Variants in PALM2AKAP2 observed in about 807,000 individuals in gnomAD.
PALM2AKAP2 encodes the protein PALM2 and AKAP2 fusion.
A neutral mutation model predicts 71.5 loss-of-function variants in PALM2AKAP2; 37 were observed. The observed-to-expected ratio is 0.52, with a 90% CI of 0.40 to 0.68. The LOEUF is 0.68. Ranked by LOEUF, PALM2AKAP2 falls within the 30% of genes least tolerant of loss-of-function variation. The pLI is 0.00. For synonymous variants in PALM2AKAP2, 468 were observed against 478.8 expected, an observed-to-expected ratio of 0.98 and a Z score of 0.29; for missense variants, 1,224 against 1,191.8, an observed-to-expected ratio of 1.03 and a Z score of -0.40.
intron 1 of PALM2AKAP2, among the ~76,000 whole-genome samples, chr9:109,702,945 T>C (rs1399362872): frequency 1.3e-5 from 2 of 151,918 alleles, no homozygotes; most frequent in African/African-American, 2.4e-5. Context: ...TAGCCTCCCA[T>C]GTAGCTGGGA....
chr9:109,708,046 A>G (rs1185431402), intron 1 of PALM2AKAP2, among the ~76,000 whole-genome samples: 1 of 152,150 alleles, frequency 6.6e-6, no homozygotes, highest in African/African-American at 2.4e-5. Flanking sequence ...ACAGAACAAA[A>G]GGTCCCACTC....
upstream of PALM2AKAP2, chr9:109,780,240 G>A (rs1258595094): frequency 1.2e-5 from 13 of 1,099,578 alleles, no homozygotes; most frequent in African/African-American, 3.3e-5. Context: ...GGCGGCGACC[G>A]GGAGATGCAG....
At chr9:109,726,259 C>A (rs1828475094) in intron 1 of PALM2AKAP2, among the ~76,000 whole-genome samples, 1 of 152,164 alleles carries the variant, frequency 6.6e-6, no homozygotes, top group South Asian at 2.1e-4. Context: ...AAGCTAGTGA[C>A]TGAAAGCAGC....
intron 6 of PALM2AKAP2, chr9:109,943,530 T>A: frequency 7.0e-7 from 1 of 1,437,496 alleles, no homozygotes; most frequent in Non-Finnish European, 9.3e-7. Context: ...AGCAAACACC[T>A]GCCTTGCCTT....
intron 6 of PALM2AKAP2, among the ~76,000 whole-genome samples, chr9:109,981,932 C>T (rs552249341): frequency 5.9e-5 from 9 of 152,146 alleles, no homozygotes; most frequent in Non-Finnish European, 1.2e-4. Flanking sequence ...TACGATCCAG[C>T]AATCCCACTG....
At chr9:110,059,295 G>A (rs557990652) in intron 1 of PALM2AKAP2, among the ~76,000 whole-genome samples, 2 of 152,300 alleles carry the variant, frequency 1.3e-5, no homozygotes, top group African/African-American at 4.8e-5. Context: ...AGAAATGTCT[G>A]CTGTCTTGTT....
intron 1 of PALM2AKAP2, among the ~76,000 whole-genome samples, chr9:109,804,659 A>G (rs181127669): frequency 2.6e-5 from 4 of 152,354 alleles, no homozygotes; most frequent in African/African-American, 9.6e-5. Flanking sequence ...ATGGTGGGGA[A>G]AAGAAGACTG....
At chr9:109,684,421 G>A (rs1827779959) in intron 1 of PALM2AKAP2, among the ~76,000 whole-genome samples, 1 of 152,096 alleles carries the variant, frequency 6.6e-6, no homozygotes, top group South Asian at 2.1e-4. Context: ...CAGGGAGAAG[G>A]GCTCAGCTAT....
intron 1 of PALM2AKAP2, among the ~76,000 whole-genome samples, chr9:109,856,469 T>C (rs1347603032): frequency 6.6e-6 from 1 of 152,188 alleles, no homozygotes; most frequent in Non-Finnish European, 1.5e-5. Flanking sequence ...GTGTTAAGAA[T>C]AAAAGACCCC....
intron 6 of PALM2AKAP2, chr9:109,944,852 TAAAG>T (rs1484325392): frequency 6.6e-6 from 1 of 152,154 alleles, no homozygotes; most frequent in Non-Finnish European, 1.5e-5. Context: ...AGTAATGAAA[TAAAG>T]ATATAACATG....
At chr9:109,781,233 T>C (rs1829443925) in intron 1 of PALM2AKAP2, among the ~76,000 whole-genome samples, 1 of 152,184 alleles carries the variant, frequency 6.6e-6, no homozygotes, top group Non-Finnish European at 1.5e-5. Context: ...CATGTGCATC[T>C]TGGGTTTAAA....
chr9:109,960,504 C>T (rs4978409), intron 6 of PALM2AKAP2, among the ~76,000 whole-genome samples: 14,252 of 152,164 alleles, frequency 0.094, 818 homozygotes, highest in East Asian at 0.16. Context: ...AAGTTGAGCA[C>T]GGTGGTATGT....
intron 3 of PALM2AKAP2, among the ~76,000 whole-genome samples, chr9:110,160,771 C>G (rs1836575976): frequency 6.6e-6 from 1 of 152,200 alleles, no homozygotes; most frequent in South Asian, 2.1e-4. Flanking sequence ...TCACAGCCTC[C>G]TGGATGTTCA....
chr9:109,734,604 A>G (rs1828602421), intron 1 of PALM2AKAP2, among the ~76,000 whole-genome samples: 1 of 152,154 alleles, frequency 6.6e-6, no homozygotes, highest in African/African-American at 2.4e-5. Flanking sequence ...GAGTCAAGAG[A>G]AGAGTCCTTT....
chr9:109,678,962 C>G (rs1827687787), intron 1 of PALM2AKAP2, among the ~76,000 whole-genome samples: 1 of 151,910 alleles, frequency 6.6e-6, no homozygotes, highest in African/African-American at 2.4e-5. Context: ...TGCAATAGGG[C>G]AAAGGCAAAC....
At chr9:109,691,566 A>G (rs1386443634) in intron 1 of PALM2AKAP2, among the ~76,000 whole-genome samples, 11 of 151,686 alleles carry the variant, frequency 7.3e-5, no homozygotes. Flanking sequence ...GAAAACTCTT[A>G]TATCAAATTT....
At chr9:109,928,647 C>T (rs1006432185) in intron 5 of PALM2AKAP2, among the ~76,000 whole-genome samples, 20 of 151,664 alleles carry the variant, frequency 1.3e-4, no homozygotes, top group Non-Finnish European at 2.1e-4. Flanking sequence ...ATGCCCCATT[C>T]TCCACTCCCT....
intron 1 of PALM2AKAP2, among the ~76,000 whole-genome samples, chr9:109,841,724 T>G (rs1042663778): frequency 2.5e-4 from 1 of 3,972 alleles, no homozygotes; most frequent in Non-Finnish European, 4.6e-4. Context: ...GAGGGGAGGG[T>G]GAAGGGAAAG....
At chr9:109,834,754 G>A (rs565585691) in intron 1 of PALM2AKAP2, among the ~76,000 whole-genome samples, 12 of 152,248 alleles carry the variant, frequency 7.9e-5, no homozygotes, top group East Asian at 7.7e-4. Flanking sequence ...AACAACCGAC[G>A]TTTCAGCATT....
Sources: gnomAD v4.1 joint callset for allele counts (sites outside exome capture counted in the v4.1 genomes callset) on GRCh38, gnomAD v4.1.1 for gene constraint, MANE v1.5 for transcripts, NCBI Gene and HGNC (gene_info 2026-07-23, HGNC 2026-07-21) for gene names.